Variants in MED12L observed in about 807,000 individuals in gnomAD.
MED12L encodes mediator complex subunit 12L.
A neutral mutation model predicts 281.3 loss-of-function variants in MED12L; 60 were observed. The observed-to-expected ratio is 0.21, with a 90% CI of 0.17 to 0.26. The LOEUF is 0.26. Ranked by LOEUF, MED12L falls within the 10% of genes least tolerant of loss-of-function variation. MED12L has a pLI of 1.00. For missense variants in MED12L, 2,146 were observed against 2,680.9 expected (o/e 0.80, Z 4.41); for synonymous variants, 974 against 987.2 (o/e 0.99, Z 0.25).
chr3:151,259,471 C>G (rs1300959943), intron 16 of MED12L, among the ~76,000 whole-genome samples: 1 of 152,148 alleles, frequency 6.6e-6, no homozygotes, highest in Non-Finnish European at 1.5e-5. Flanking sequence ...GAAAAGAGGA[C>G]TTAATTACAT....
At chr3:151,355,262 T>C (rs766449018) in intron 18 of MED12L, 23 bp downstream of exon 18, 1 of 1,521,488 alleles carries the variant, frequency 6.6e-7, no homozygotes, top group Admixed American at 1.8e-5. Flanking sequence ...AGCTGTTTAT[T>C]ATGCATTTGC....
At chr3:151,145,559 A>C (rs1259807558) in intron 5 of MED12L, among the ~76,000 whole-genome samples, 1 of 152,230 alleles carries the variant, frequency 6.6e-6, no homozygotes, top group Non-Finnish European at 1.5e-5. Flanking sequence ...AAGATTGGTG[A>C]GTTGCCTCAG....
rs139156564 is a variant in MED12L, at chr3:151,214,067, G to A, written c.2250+20401G>A. On this transcript the variant is annotated intron_variant, in intron 16 of 44. Transcript: ENST00000687756. ...AACACGTTCAGCTGCCAGGGACCAA[G>A]GCCTGAGTCACCAAGGATCTTGAAA... The A allele has an allele frequency of 9.3e-6, 15 of 1,613,996 alleles. No homozygotes were observed. The African/African-American group carries it at 2.0e-4, about 22-fold the overall frequency.
chr3:151,294,222 G>A (rs1003186575), intron 16 of MED12L: 1 of 1,613,174 alleles, frequency 6.2e-7, no homozygotes, highest in East Asian at 2.2e-5. Context: ...CTCACACTTT[G>A]CAGTGATCTG....
intron 11 of MED12L, among the ~76,000 whole-genome samples, chr3:151,178,690 A>G (rs13075882): frequency 0.062 from 9,377 of 152,186 alleles, 340 homozygotes; most frequent in Middle Eastern, 0.092. Flanking sequence ...TTATTTGTAA[A>G]CTGGGGATAA....
chr3:151,372,490 C>A, intron 26 of MED12L, 77 bp from the exon 27 acceptor site: 1 of 1,027,392 alleles, frequency 9.7e-7, no homozygotes, highest in Middle Eastern at 2.0e-4. Context: ...TCCCTGAATG[C>A]TATCCTCATT....
chr3:151,205,853 T>A (rs761422311), intron 16 of MED12L, among the ~76,000 whole-genome samples: 35 of 152,134 alleles, frequency 2.3e-4, no homozygotes, highest in Admixed American at 2.0e-4. Context: ...ACCATTTGAA[T>A]TTGCATGCCA....
chr3:151,345,642 C>T (rs764300972), intron 16 of MED12L, among the ~76,000 whole-genome samples: 19 of 151,424 alleles, frequency 1.3e-4, no homozygotes, highest in Admixed American at 5.3e-4. Context: ...CTCAGCCTCC[C>T]GAGTAGCTGA....
At chr3:151,106,473 C>T (rs1722086697) in intron 2 of MED12L, among the ~76,000 whole-genome samples, 1 of 151,920 alleles carries the variant, frequency 6.6e-6, no homozygotes, top group African/African-American at 2.4e-5. Context: ...CATGCCCCGC[C>T]TGATGTCACC....
At chr3:151,272,933 A>T (rs928192073) in intron 16 of MED12L, among the ~76,000 whole-genome samples, 11 of 152,218 alleles carry the variant, frequency 7.2e-5, no homozygotes, top group Non-Finnish European at 1.3e-4. Context: ...CCCTAATCCC[A>T]AAATCTGAAG....
At chr3:151,138,974 CTCTTA>C (rs1716535983) in intron 5 of MED12L, among the ~76,000 whole-genome samples, 1 of 140,850 alleles carries the variant, frequency 7.1e-6, no homozygotes, top group Non-Finnish European at 1.5e-5. Flanking sequence ...GGTGATTTGT[CTCTTA>C]TCTACCTACC....
intron 16 of MED12L, chr3:151,198,333 T>G (rs1247666782): frequency 1.2e-5 from 11 of 928,616 alleles, no homozygotes; most frequent in Non-Finnish European, 1.6e-5. Context: ...TCATACTGAG[T>G]TTTTTTTTGT....
At position 151,086,952 on chromosome 3, in the gene MED12L, A is replaced by G. The variant is rs1361149884; in HGVS notation, c.26A>G (p.Tyr9Cys). Reference protein sequence around the residue: MAAFGLLSYEQRPLKRPRL... With the variant: MAAFGLLSCEQRPLKRPRL... ...ATGGCCGCCTTCGGGCTTCTCAGCT[A>G]TGAGCAGAGACCGCTGAAGCGCCCC... The change falls in exon 2 of 45, where the codon TAT (tyrosine) becomes TGT (cysteine). Residue 9 changes from tyrosine (Y) to cysteine (C), a missense_variant. Around this residue, in one of 9 missense-constraint regions of MED12L, gnomAD observed 44 missense variants for 39.7 expected, o/e 1.11. Transcript: ENST00000687756. 1.9e-6 allele frequency: 3 copies of G among 1,607,808 alleles called. No homozygotes were observed. The highest frequency in any genetic ancestry group is 2.5e-6 in the Non-Finnish European group (3 of 1,177,848).
intron 16 of MED12L, among the ~76,000 whole-genome samples, chr3:151,305,546 T>C (rs955302318): frequency 6.6e-6 from 1 of 152,168 alleles, no homozygotes; most frequent in African/African-American, 2.4e-5. Context: ...AGGACCTAGA[T>C]ATATTTCCAC....
intron 16 of MED12L, among the ~76,000 whole-genome samples, chr3:151,297,127 G>C (rs570741276): frequency 5.1e-4 from 77 of 152,254 alleles, no homozygotes; most frequent in African/African-American, 1.8e-3. Context: ...AGCCTGTTAT[G>C]AGACCCATAG....
intron 2 of MED12L, among the ~76,000 whole-genome samples, chr3:151,114,197 G>C (rs968579256): frequency 3.9e-5 from 6 of 152,160 alleles, no homozygotes; most frequent in Non-Finnish European, 5.9e-5. Flanking sequence ...GAAAATGTAG[G>C]AGCAGTTTGG....
intron 19 of MED12L, 81 bp downstream of exon 19, chr3:151,356,120 C>T (rs1753885370): frequency 2.8e-6 from 4 of 1,406,366 alleles, no homozygotes; most frequent in Non-Finnish European, 3.9e-6. Context: ...AGCCAATTAG[C>T]TGGGCACAGT....
chr3:151,123,880 TA>T (rs1280149185), intron 4 of MED12L, among the ~76,000 whole-genome samples: 1 of 152,248 alleles, frequency 6.6e-6, no homozygotes, highest in Non-Finnish European at 1.5e-5. Context: ...CTTAATGTCA[TA>T]ACATTGTATT....
At chr3:151,335,282 C>T (rs1469052061) in intron 16 of MED12L, among the ~76,000 whole-genome samples, 1 of 152,106 alleles carries the variant, frequency 6.6e-6, no homozygotes, top group Admixed American at 6.5e-5. Context: ...CTCCTCCTTC[C>T]CCATGACTCT....
Sources: gnomAD v4.1 joint callset for allele counts (sites outside exome capture counted in the v4.1 genomes callset) on GRCh38, gnomAD v4.1.1 for gene constraint, gnomAD v4.1.1 regional missense constraint, MANE v1.5 for transcripts, NCBI Gene and HGNC (gene_info 2026-07-23, HGNC 2026-07-21) for gene names.